MAF: variants seen among roughly 807,000 people sequenced by gnomAD.
The protein encoded by MAF is transcription factor Maf.
MAF carries 10 observed loss-of-function variants against 22.0 expected under a neutral mutation model. The ratio of observed to expected loss-of-function variants is 0.45; its 90% CI spans 0.28 to 0.77. The LOEUF is 0.77. MAF is among the 30% of genes least tolerant of loss of function. The pLI is 0.12. For synonymous variants in MAF, 337 were observed against 255.8 expected, an observed-to-expected ratio of 1.32 and a Z score of -3.03; for missense variants, 544 against 548.4, an observed-to-expected ratio of 0.99 and a Z score of 0.08.
the MAF span, among the ~76,000 whole-genome samples, chr16:79,524,431 C>T: frequency 1.3e-5 from 2 of 152,264 alleles, no homozygotes; most frequent in East Asian, 3.9e-4. Flanking sequence ...TAGCCTGTTG[C>T]AATTATTCCT....
the MAF span, among the ~76,000 whole-genome samples, chr16:79,348,391 C>T: frequency 3.3e-5 from 5 of 152,218 alleles, no homozygotes; most frequent in Non-Finnish European, 1.5e-5. Flanking sequence ...ACAGCCTCTT[C>T]TGTCTCTTTA....
the MAF span, among the ~76,000 whole-genome samples, chr16:79,479,112 TATCTGTATACCATTCTGGTGC>T: frequency 4.6e-5 from 7 of 150,812 alleles, no homozygotes; most frequent in South Asian, 6.3e-4. Context: ...CACCCCAGCA[TATCTGTATACCATTCTGGTGC>T]ACCTGTGCAC....
At chr16:79,233,402 C>T in the MAF span, among the ~76,000 whole-genome samples, 1 of 152,006 alleles carries the variant, frequency 6.6e-6, no homozygotes, top group Non-Finnish European at 1.5e-5. Context: ...GGTAACATTA[C>T]ACTGGACGCT....
the MAF span, among the ~76,000 whole-genome samples, chr16:79,489,098 T>C: frequency 1.3e-5 from 2 of 152,114 alleles, no homozygotes; most frequent in Non-Finnish European, 2.9e-5. Context: ...TCTCTACCCA[T>C]CCATCCATCT....
At chr16:79,372,445 A>G in the MAF span, among the ~76,000 whole-genome samples, 1 of 152,202 alleles carries the variant, frequency 6.6e-6, no homozygotes, top group Non-Finnish European at 1.5e-5. Flanking sequence ...GCTCGACAAA[A>G]GGCCAAATTT....
At chr16:79,480,554 C>T in the MAF span, among the ~76,000 whole-genome samples, 1 of 152,070 alleles carries the variant, frequency 6.6e-6, no homozygotes, top group African/African-American at 2.4e-5. Context: ...TCCCAACATC[C>T]AAGTGCAGTG....
At chr16:79,519,809 G>C in the MAF span, among the ~76,000 whole-genome samples, 4 of 152,260 alleles carry the variant, frequency 2.6e-5, no homozygotes, top group African/African-American at 7.2e-5. Context: ...GTAGCCAGCT[G>C]TGGTCCTGTG....
At chr16:79,278,962 G>C in the MAF span, among the ~76,000 whole-genome samples, 1 of 152,160 alleles carries the variant, frequency 6.6e-6, no homozygotes, top group African/African-American at 2.4e-5. Flanking sequence ...GAGGAATTCA[G>C]AATTTGGAAA....
chr16:79,241,979 G>C, the MAF span, among the ~76,000 whole-genome samples: 1 of 151,976 alleles, frequency 6.6e-6, no homozygotes, highest in Non-Finnish European at 1.5e-5. Context: ...AATTTTTACA[G>C]ACAAGCAAAT....
chr16:79,428,046 C>T, the MAF span, among the ~76,000 whole-genome samples: 1 of 147,752 alleles, frequency 6.8e-6, no homozygotes, highest in Non-Finnish European at 1.5e-5. Flanking sequence ...GAGCCGAGAT[C>T]GCGCCACTGC....
the MAF span, among the ~76,000 whole-genome samples, chr16:79,432,906 G>C: frequency 1.3e-5 from 2 of 152,194 alleles, no homozygotes; most frequent in South Asian, 4.1e-4. Context: ...TGCCAGCACA[G>C]TGATCTTGGA....
At chr16:79,398,839 G>A in the MAF span, among the ~76,000 whole-genome samples, 6 of 152,150 alleles carry the variant, frequency 3.9e-5, no homozygotes, top group Non-Finnish European at 8.8e-5. Flanking sequence ...TCTCTCCCCA[G>A]TTGAGCTAGG....
chr16:79,469,658 G>A, the MAF span, among the ~76,000 whole-genome samples: 6 of 151,956 alleles, frequency 3.9e-5, no homozygotes, highest in African/African-American at 9.7e-5. Flanking sequence ...GTGCAGTGGC[G>A]TGATCTCAGC....
At chr16:79,217,342 T>C in the MAF span, among the ~76,000 whole-genome samples, 1 of 152,212 alleles carries the variant, frequency 6.6e-6, no homozygotes, top group African/African-American at 2.4e-5. Context: ...GCCTATAGAC[T>C]AGAAGCATAT....
At chr16:79,597,121 T>G (rs1913579615) in intron 1 of MAF, 2 of 1,058,714 alleles carry the variant, frequency 1.9e-6, no homozygotes, top group Non-Finnish European at 2.3e-6. Context: ...TAAGCTACTT[T>G]TTTTAAACAG....
the MAF span, among the ~76,000 whole-genome samples, chr16:79,414,605 G>A: frequency 1.3e-5 from 2 of 152,138 alleles, no homozygotes; most frequent in African/African-American, 4.8e-5. Flanking sequence ...CTATATCAGT[G>A]GGATACAGAG....
chr16:79,538,020 A>G, the MAF span, among the ~76,000 whole-genome samples: 1 of 152,236 alleles, frequency 6.6e-6, no homozygotes, highest in Non-Finnish European at 1.5e-5. Flanking sequence ...TTGAGTCTTT[A>G]TCTGTCTGGC....
the MAF span, among the ~76,000 whole-genome samples, chr16:79,291,056 C>T: frequency 6.6e-6 from 1 of 152,160 alleles, no homozygotes; most frequent in Admixed American, 6.5e-5. Flanking sequence ...TGTGAAGAGA[C>T]TGCTTTTTTC....
chr16:79,258,746 A>G, the MAF span, among the ~76,000 whole-genome samples: 1 of 152,160 alleles, frequency 6.6e-6, no homozygotes, highest in Admixed American at 6.5e-5. Flanking sequence ...CTAAATAGAC[A>G]TCCCCTCTCC....
Sources: allele counts gnomAD v4.1 joint callset (sites outside exome capture counted in the v4.1 genomes callset), GRCh38; gene constraint gnomAD v4.1.1; transcripts MANE v1.5; gene names NCBI Gene and HGNC (gene_info 2026-07-23, HGNC 2026-07-21).